NAV1: variants seen among roughly 807,000 people sequenced by gnomAD.
The protein encoded by NAV1 is pore membrane and/or filament interacting like protein 3.
A neutral mutation model predicts 175.2 loss-of-function variants in NAV1; 18 were observed. The observed-to-expected ratio is 0.10, with a 90% CI of 0.07 to 0.15. The LOEUF is 0.15. Ranked by LOEUF, NAV1 falls within the 10% of genes least tolerant of loss-of-function variation. The pLI is 1.00. For missense variants in NAV1, 1,731 were observed against 2,436.6 expected, an observed-to-expected ratio of 0.71 and a Z score of 6.10; for synonymous variants, 897 against 978.7, an observed-to-expected ratio of 0.92 and a Z score of 1.56.
chr1:201,631,071 G>C (rs77867567), intron 2 of NAV1, among the ~76,000 whole-genome samples: 4 of 152,136 alleles, frequency 2.6e-5, no homozygotes, highest in African/African-American at 7.2e-5. Context: ...GGTACCTCTG[G>C]GGGGACAGAG....
At chr1:201,742,465 G>A (rs1673486157) in intron 3 of NAV1, among the ~76,000 whole-genome samples, 2 of 152,112 alleles carry the variant, frequency 1.3e-5, no homozygotes, top group South Asian at 4.1e-4. Flanking sequence ...ATCTATCATG[G>A]AAGCCTGTGC....
At chr1:201,802,136 C>CAAAAAAAAAAAAAAAAAAAAAAAA (rs771631007) in intron 15 of NAV1, among the ~76,000 whole-genome samples, 4 of 20,308 alleles carry the variant, frequency 2.0e-4, no homozygotes, top group Non-Finnish European at 2.8e-4. Context: ...GACTCCGTCT[C>CAAAAAAAAAAAAAAAAAAAAAAAA]AAAAAAAAAA....
exon 30 of NAV1, chr1:201,824,716 G>T (rs1249298261): frequency 6.6e-6 from 1 of 152,018 alleles, no homozygotes; most frequent in Non-Finnish European, 1.5e-5. Flanking sequence ...TGTGACAAGG[G>T]TGGTCATGGA....
At chr1:201,624,298 G>GTTGAT (rs1668261140) in intron 1 of NAV1, among the ~76,000 whole-genome samples, 1 of 143,228 alleles carries the variant, frequency 7.0e-6, no homozygotes, top group East Asian at 2.1e-4. Flanking sequence ...GACACTGCAA[G>GTTGAT]TTGATTGCAT....
intron 13 of NAV1, chr1:201,791,188 CTG>C (rs1677097423): frequency 5.6e-6 from 1 of 180,086 alleles, no homozygotes; most frequent in Admixed American, 5.4e-5. Context: ...TGCCACGTAA[CTG>C]TGCAGGCACA....
At chr1:201,640,923 T>A (rs1481986915) in intron 2 of NAV1, among the ~76,000 whole-genome samples, 2 of 152,200 alleles carry the variant, frequency 1.3e-5, no homozygotes, top group African/African-American at 4.8e-5. Flanking sequence ...TGAAGATGAA[T>A]CCTTGGGAAG....
At chr1:201,557,227 A>G (rs911459918) in intron 1 of NAV1, among the ~76,000 whole-genome samples, 7 of 152,200 alleles carry the variant, frequency 4.6e-5, no homozygotes, top group South Asian at 4.1e-4. Context: ...CAGGAGCCCA[A>G]TGCCCTCTGA....
chr1:201,605,286 T>C (rs1667643890), intron 2 of NAV1, among the ~76,000 whole-genome samples: 1 of 152,062 alleles, frequency 6.6e-6, no homozygotes, highest in Admixed American at 6.6e-5. Context: ...AGCATCTCGT[T>C]GCCTAGCAAC....
In NAV1 at chr1:201,808,977, C is replaced by G; in HGVS notation, c.4207+106C>G. 7.1e-7 allele frequency: 1 copy of G among 1,408,768 alleles called. No homozygotes were observed. The highest frequency in any genetic ancestry group is 9.8e-7 in the Non-Finnish European group (1 of 1,025,290). The allele number at this position is 1,408,768 out of a possible 1,614,324, so 87.3% of individuals were successfully genotyped here. A position where few individuals can be genotyped will look rare whatever the true frequency, so the allele number is the denominator to read the frequency against. On this transcript the variant is annotated intron_variant, in intron 20 of 29. Coordinates refer to ENST00000367296, the Ensembl canonical transcript of NAV1. This position sits in a 1 kb window ranked among gnomAD's most constrained non-coding sequence, Gnocchi z 5.5. ...GGTCAGGGCGGTAACAATGCCGAAG[C>G]CAAGCAGATGCCAGTGTCCTAAGAC...
chr1:201,728,365 G>C (rs1473562052), intron 3 of NAV1, among the ~76,000 whole-genome samples: 1 of 151,980 alleles, frequency 6.6e-6, no homozygotes, highest in East Asian at 1.9e-4. Context: ...GCCGAGGCAG[G>C]TGGATCACCT....
At chr1:201,728,112 CCTT>C (rs1485655058) in intron 3 of NAV1, among the ~76,000 whole-genome samples, 1 of 152,092 alleles carries the variant, frequency 6.6e-6, no homozygotes, top group Non-Finnish European at 1.5e-5. Context: ...TCAAAACACT[CCTT>C]CTTTTTTTCT....
At chr1:201,739,819 C>G in intron 3 of NAV1, 1 of 1,235,094 alleles carries the variant, frequency 8.1e-7, no homozygotes, top group Non-Finnish European at 1.0e-6. Flanking sequence ...AAATGGGGCT[C>G]TGTCACTTTA....
At chr1:201,806,185 A>G (rs1164612251) in intron 17 of NAV1, among the ~76,000 whole-genome samples, 2 of 152,018 alleles carry the variant, frequency 1.3e-5, no homozygotes, top group Non-Finnish European at 2.9e-5. Context: ...CGGTTTCACC[A>G]TCTCGGCCAG....
At chr1:201,581,213 G>A (rs756628731) in intron 1 of NAV1, among the ~76,000 whole-genome samples, 2 of 152,152 alleles carry the variant, frequency 1.3e-5, no homozygotes, top group South Asian at 2.1e-4. Context: ...TTTTTGTTAC[G>A]GTTCGAGTGA....
chr1:201,632,820 CCT>C (rs769217110), intron 2 of NAV1, among the ~76,000 whole-genome samples: 6 of 152,196 alleles, frequency 3.9e-5, no homozygotes, highest in Admixed American at 2.0e-4. Context: ...TGCTTTTCTT[CCT>C]CTTTCTTCTC....
At chr1:201,809,418 G>A in intron 21 of NAV1, 24 bp from the exon 26 acceptor site, 6 of 1,612,824 alleles carry the variant, frequency 3.7e-6, no homozygotes, top group South Asian at 2.2e-5. Context: ...AAGCTCAAGA[G>A]CTTTTCCTTC....
intron 2 of NAV1, among the ~76,000 whole-genome samples, chr1:201,602,649 T>TTG (rs1247758766): frequency 7.1e-6 from 1 of 140,798 alleles, no homozygotes; most frequent in African/African-American, 2.7e-5. Flanking sequence ...TTTTTTTTTT[T>TTG]GGTTTTTTTT....
At chr1:201,774,846 A>T (rs1238621283) in intron 3 of NAV1, among the ~76,000 whole-genome samples, 2 of 152,250 alleles carry the variant, frequency 1.3e-5, no homozygotes, top group East Asian at 3.8e-4. Context: ...CACAAAGACA[A>T]AGAATAGGAG....
upstream of NAV1, among the ~76,000 whole-genome samples, chr1:201,647,122 C>T (rs1669002800): frequency 6.6e-6 from 1 of 152,210 alleles, no homozygotes; most frequent in Admixed American, 6.5e-5. Flanking sequence ...GCTTTGCTTT[C>T]AGAGAATTCC....
Sources: allele counts gnomAD v4.1 joint callset (sites outside exome capture counted in the v4.1 genomes callset), GRCh38; gene constraint gnomAD v4.1.1; non-coding constraint Gnocchi (gnomAD v3.1); transcripts MANE v1.5; gene names NCBI Gene and HGNC (gene_info 2026-07-23, HGNC 2026-07-21).